The following FZD6 variants were observed in gnomAD, a reference collection of about 807,000 sequenced individuals.
FZD6 encodes frizzled class receptor 6.
A neutral mutation model predicts 61.4 loss-of-function variants in FZD6; 49 were observed. That is an observed-to-expected ratio of 0.80 (90% CI 0.63 to 1.01). The LOEUF (loss-of-function observed/expected upper bound fraction) is 1.01, where lower values mean the gene tolerates loss of function less well. FZD6 is among the 50% of genes least tolerant of loss of function. The probability of loss-of-function intolerance (pLI) is 0.00; values close to 1 mark genes in which losing one functional copy is unlikely to be tolerated. For synonymous variants in FZD6, 265 were observed against 292.2 expected (o/e 0.91, Z 0.95); for missense variants, 724 against 848.2 (o/e 0.85, Z 1.82).
At chr8:103,328,191 G>A (rs1034324229) in intron 4 of FZD6, 77 bp from the exon 5 acceptor site, 95 of 1,112,432 alleles carry the variant, frequency 8.5e-5, no homozygotes, top group Middle Eastern at 2.0e-4. Flanking sequence ...ACTTTTGTTC[G>A]TTTTATATTG....
chr8:103,323,402 T>G (rs1203707496), intron 3 of FZD6, among the ~76,000 whole-genome samples: 5 of 151,526 alleles, frequency 3.3e-5, no homozygotes, highest in Non-Finnish European at 7.4e-5. Flanking sequence ...AAGGTATATT[T>G]AAAATGCTTT....
chr8:103,316,158 T>C (rs1343716366), intron 2 of FZD6, among the ~76,000 whole-genome samples: 3 of 152,188 alleles, frequency 2.0e-5, no homozygotes, highest in Admixed American at 1.3e-4. Flanking sequence ...ATTACATTTA[T>C]TTTTTTAATA....
chr8:103,301,849 AT>A (rs1023539135), intron 2 of FZD6, among the ~76,000 whole-genome samples: 5 of 151,898 alleles, frequency 3.3e-5, no homozygotes, highest in African/African-American at 1.2e-4. Context: ...TTAAAACCAA[AT>A]TTTTTTTACT....
Position 103,324,912 on chromosome 8 carries a change from T to G in FZD6, c.806T>G (p.Leu269Arg), listed in dbSNP as rs747106870. The change falls in exon 4 of 7, where the codon CTT becomes CGT. Residue 269 changes from leucine (L) to arginine (R), a missense_variant. Transcript: ENST00000358755. ...ACNKADEKLE[L>R]GDTVVLGSQN... ...AATAAGGCAGATGAGAAGCTAGAACTTGGTGACACTGTTGTCCTAGGCTCT... is the reference window on the plus strand; with the variant it reads ...AATAAGGCAGATGAGAAGCTAGAACGTGGTGACACTGTTGTCCTAGGCTCT... 1 of 1,614,068 alleles carries G rather than the reference T, an allele frequency of 6.2e-7. No homozygotes were observed. Among genetic ancestry groups the G allele is most frequent in the South Asian group, 1.1e-5 (1 of 91,092 alleles).
At chr8:103,327,888 T>A (rs942483363) in intron 4 of FZD6, among the ~76,000 whole-genome samples, 1 of 152,134 alleles carries the variant, frequency 6.6e-6, no homozygotes, top group Non-Finnish European at 1.5e-5. Flanking sequence ...TTTGTTATGA[T>A]GAGTTTAAAT....
rs1376453946 is a variant in FZD6, at chr8:103,298,992, C to T, written c.-156C>T. Reference sequence around the variant, plus strand: ...GGGACAGCGGCCTTCGACCGCCCCCCGAGGTGAGGCTTCCACGGCTGGGAC... The same window carrying T: ...GGGACAGCGGCCTTCGACCGCCCCCTGAGGTGAGGCTTCCACGGCTGGGAC... On this transcript the variant is annotated 5_prime_UTR_variant, in exon 1 of 7. Transcript: ENST00000358755. The T allele has an allele frequency of 6.6e-6, 1 of 152,470 alleles. No homozygotes were observed. Among genetic ancestry groups the T allele is most frequent in the Non-Finnish European group, 1.5e-5 (1 of 68,274 alleles). The allele number at this position is 152,470 out of a possible 1,614,324, so 9.4% of individuals were successfully genotyped here. A position where few individuals can be genotyped will look rare whatever the true frequency, so the allele number is the denominator to read the frequency against.
Position 103,325,128 on chromosome 8 carries a change from T to A in FZD6, c.1022T>A (p.Met341Lys), listed in dbSNP as rs191400696. The A allele has an allele frequency of 3.1e-6, 5 of 1,614,054 alleles. No individual in the cohort carries two copies. Among genetic ancestry groups the A allele is most frequent in the Non-Finnish European group, 4.2e-6 (5 of 1,180,006 alleles). ...GGAACACCAGGTTTCCTGACTGTTA[T>A]GCTTCTTGCTATGAACAAAGTTGAA... ...AWGTPGFLTV[M>K]LLAMNKVEGD... is the part of the protein sequence containing the mutation. The change falls in exon 4 of 7, where the codon ATG (methionine) becomes AAG (lysine). Residue 341 changes from methionine (M) to lysine (K), a missense_variant. Coordinates refer to ENST00000358755, the MANE Select transcript of FZD6 (RefSeq NM_003506.4).
intron 4 of FZD6, among the ~76,000 whole-genome samples, chr8:103,327,224 T>A (rs1405898433): frequency 1.3e-5 from 2 of 152,188 alleles, no homozygotes; most frequent in East Asian, 3.8e-4. Context: ...GACAATAGAT[T>A]GGAAGTAAGT....
At chr8:103,317,682 C>T (rs1216287425) in intron 2 of FZD6, among the ~76,000 whole-genome samples, 3 of 151,786 alleles carry the variant, frequency 2.0e-5, no homozygotes, top group Non-Finnish European at 2.9e-5. Flanking sequence ...AAAAATTAGC[C>T]GGGCGTAGTG....
rs143081768 is a variant in FZD6, at chr8:103,318,378, A to C, written c.178-212A>C. Among the ~76,000 whole-genome samples the C allele has an allele frequency of 4.6e-5, 7 of 152,332 alleles. No individual in the cohort carries two copies. In the East Asian group the frequency reaches 1.3e-3, roughly 29 times the overall value. On this transcript the variant is annotated intron_variant, in intron 2 of 6. Transcript: ENST00000358755. ...GTTGGTGACTCTGGCAAGTGATTTCACTGGAATAATCCATGTCTTCTTGAA... is the reference window on the plus strand; with the variant it reads ...GTTGGTGACTCTGGCAAGTGATTTCCCTGGAATAATCCATGTCTTCTTGAA...
intron 3 of FZD6, among the ~76,000 whole-genome samples, chr8:103,320,753 C>T (rs528629347): frequency 1.3e-5 from 2 of 151,662 alleles, no homozygotes; most frequent in Admixed American, 6.6e-5. Context: ...GTGGCCACTG[C>T]GGGTTAGGGA....
At chr8:103,303,478 A>G (rs1200509007) in intron 2 of FZD6, among the ~76,000 whole-genome samples, 2 of 152,222 alleles carry the variant, frequency 1.3e-5, no homozygotes, top group Admixed American at 6.5e-5. Context: ...GTGAATCTAC[A>G]TGTCTCTAGA....
At chr8:103,322,372 TAA>T (rs11423905) in intron 3 of FZD6, among the ~76,000 whole-genome samples, 3,422 of 124,478 alleles carry the variant, frequency 0.027, 99 homozygotes, top group African/African-American at 0.082. Flanking sequence ...CAGTCTCCAT[TAA>T]AAAAAAAAAA....
intron 3 of FZD6, among the ~76,000 whole-genome samples, chr8:103,323,166 A>G (rs1814840967): frequency 6.6e-6 from 1 of 152,202 alleles, no homozygotes; most frequent in Non-Finnish European, 1.5e-5. Flanking sequence ...TGTAATAAAA[A>G]TATTTTAAAA....
Sources: allele counts gnomAD v4.1 joint callset (sites outside exome capture counted in the v4.1 genomes callset), GRCh38; gene constraint gnomAD v4.1.1; transcripts MANE v1.5; gene names NCBI Gene and HGNC (gene_info 2026-07-23, HGNC 2026-07-21).